The following MDFI variants were observed in gnomAD, a reference collection of about 807,000 sequenced individuals.
MDFI encodes the protein inhibitor of MyoD family a.
Under a neutral mutation model 22.3 loss-of-function variants are expected in MDFI, and 16 were observed. The observed-to-expected ratio is 0.72, with a 90% CI of 0.49 to 1.09. The LOEUF (loss-of-function observed/expected upper bound fraction) is 1.09. Among genes scored for constraint, MDFI ranks in the 50% least tolerant of loss-of-function variants. The pLI is 0.00. For missense variants in MDFI, 314 were observed against 326.1 expected (o/e 0.96, Z 0.29); for synonymous variants, 145 against 142.7 (o/e 1.02, Z -0.12).
At chr6:41,648,192 G>A (rs2127433417) in intron 3 of MDFI, among the ~76,000 whole-genome samples, 1 of 152,170 alleles carries the variant, frequency 6.6e-6, no homozygotes, top group African/African-American at 2.4e-5. Flanking sequence ...CTGCCCCCAT[G>A]CTGGCCTCTG....
At position 41,646,248 on chromosome 6, in the gene MDFI, C is replaced by G; in HGVS notation, c.199C>G (p.Pro67Ala). ...AACCCCCATGCCCCAAGGCAATGGC[C>G]CTGGCATCCCCCAGGGCCTGGACAG... Reference protein sequence around the residue: ...AATPMPQGNGPGIPQGLDSTD... With the variant: ...AATPMPQGNGAGIPQGLDSTD... The change falls in exon 3 of 5, where the codon CCT (proline) becomes GCT (alanine). Residue 67 changes from proline (P) to alanine (A), a missense_variant. Transcript: ENST00000230321. 1 of 1,577,096 alleles carries G rather than the reference C, an allele frequency of 6.3e-7. No individual in the cohort carries two copies. Among genetic ancestry groups the G allele is most frequent in the Non-Finnish European group, 8.6e-7 (1 of 1,162,866 alleles).
At chr6:41,637,914 T>C (rs767081977), upstream of MDFI, among the ~76,000 whole-genome samples, 1 of 152,146 alleles carries the variant, frequency 6.6e-6, no homozygotes, top group African/African-American at 2.4e-5. This position sits in a 1 kb window ranked among gnomAD's most constrained non-coding sequence, Gnocchi z 6.8. Flanking sequence ...GGTTGGTCAC[T>C]AACCGGATTT....
rs953488064 is a variant in MDFI at position 41,638,614 on chromosome 6, G to A, written c.-50G>A. On this transcript the variant is annotated 5_prime_UTR_variant, in exon 1 of 5. Coordinates refer to ENST00000230321, the MANE Select transcript of MDFI (RefSeq NM_005586.4). The surrounding 1 kb of genome is among the most constrained non-coding windows in gnomAD (Gnocchi z 7.6). ...AGGCGCGCATGGCGGGCCCCGCGCGGGGATCCGGCTGGAAGAGAGCGTAGC... is the reference window on the plus strand; with the variant it reads ...AGGCGCGCATGGCGGGCCCCGCGCGAGGATCCGGCTGGAAGAGAGCGTAGC... 55 of 1,063,464 alleles carry A rather than the reference G, an allele frequency of 5.2e-5. No homozygotes were observed. The highest frequency in any genetic ancestry group is 4.5e-4 in the South Asian group (27 of 59,794). The allele number at this position is 1,063,464 out of a possible 1,614,324, so 65.9% of individuals were successfully genotyped here.
At chr6:41,652,703 A>ACTGTAGTAGTAGTGGAATCCCAG (rs1768320143) in intron 4 of MDFI, among the ~76,000 whole-genome samples, 1 of 134,996 alleles carries the variant, frequency 7.4e-6, no homozygotes, top group Non-Finnish European at 1.5e-5. Flanking sequence ...TACAGCCTCC[A>ACTGTAGTAGTAGTGGAATCCCAG]CCTCCTGGGT....
intron 2 of MDFI, among the ~76,000 whole-genome samples, chr6:41,640,462 C>T (rs528364857): frequency 2.3e-4 from 35 of 152,306 alleles, no homozygotes; most frequent in African/African-American, 7.5e-4. Flanking sequence ...CAGCAGACCC[C>T]CTCCCCAGCC....
chr6:41,637,383 A>C (rs1048863533), upstream of MDFI: 3 of 152,104 alleles, frequency 2.0e-5, no homozygotes, highest in Admixed American at 2.0e-4. The surrounding 1 kb of genome is among the most constrained non-coding windows in gnomAD (Gnocchi z 6.8). Context: ...TCGGGACTAG[A>C]AAAGGTGGCC....
chr6:41,651,049 T>TA (rs1290447417), intron 4 of MDFI, among the ~76,000 whole-genome samples: 1 of 151,794 alleles, frequency 6.6e-6, no homozygotes, highest in African/African-American at 2.4e-5. Context: ...CTACTAAAAA[T>TA]ACAAAAAATT....
chr6:41,638,917 G>A lies in MDFI; in HGVS notation c.76+92G>A. 2.2e-6 allele frequency: 3 copies of A among 1,359,740 alleles called. No individual in the cohort carries two copies. Among genetic ancestry groups the A allele is most frequent in the Non-Finnish European group, 3.0e-6 (3 of 1,011,700 alleles). The allele number at this position is 1,359,740 out of a possible 1,614,324, so 84.2% of individuals were successfully genotyped here. ...GTTCTCCTCTCCGTCCCCAGACGCG[G>A]GGAGACCGTTCCAGGGAGCTTGGTG... On this transcript the variant is annotated intron_variant, in intron 2 of 4. Transcript: ENST00000230321. This position sits in a 1 kb window ranked among gnomAD's most constrained non-coding sequence, Gnocchi z 7.6.
At chr6:41,652,465 G>A (rs1441803611) in intron 4 of MDFI, among the ~76,000 whole-genome samples, 2 of 152,208 alleles carry the variant, frequency 1.3e-5, no homozygotes, top group Admixed American at 1.3e-4. Context: ...TATTTCTAAA[G>A]GATCCCTCTG....
At chr6:41,639,975 G>A (rs562945462) in intron 2 of MDFI, 3 of 959,566 alleles carry the variant, frequency 3.1e-6, no homozygotes, top group East Asian at 2.3e-4. Context: ...GTGAGGACAA[G>A]TGGAAGATGT....
chr6:41,647,208 C>T (rs893647944), intron 3 of MDFI, among the ~76,000 whole-genome samples: 1 of 152,208 alleles, frequency 6.6e-6, no homozygotes, highest in Non-Finnish European at 1.5e-5. Context: ...AAGAGGTCAG[C>T]GCCTTGGCAG....
chr6:41,653,849 A>T lies in MDFI; in HGVS notation c.*274A>T. 4 of 425,928 alleles carry T rather than the reference A, an allele frequency of 9.4e-6. No individual in the cohort carries two copies. Among genetic ancestry groups the T allele is most frequent in the East Asian group, 4.3e-5 (1 of 23,024 alleles). The allele number at this position is 425,928 out of a possible 1,614,324, so 26.4% of individuals were successfully genotyped here. A position where few individuals can be genotyped will look rare whatever the true frequency, so the allele number is the denominator to read the frequency against. On this transcript the variant is annotated 3_prime_UTR_variant, in exon 5 of 5. Transcript: ENST00000230321. The surrounding 1 kb of genome is among the most constrained non-coding windows in gnomAD (Gnocchi z 4.2). ...GTTCATACATTGCTGAGGACCTGAC[A>T]GGACAACCTAGGGGCAGGGCTGGGG...
intron 2 of MDFI, chr6:41,639,306 C>T: frequency 1.0e-6 from 1 of 985,378 alleles, no homozygotes; most frequent in Non-Finnish European, 1.2e-6. Context: ...GACCCAGCCC[C>T]TCCCCTCTTT....
chr6:41,642,970 C>A (rs990980491), intron 2 of MDFI, among the ~76,000 whole-genome samples: 2 of 152,112 alleles, frequency 1.3e-5, no homozygotes, highest in Non-Finnish European at 1.5e-5. Context: ...GCCTTCCTCC[C>A]TCTCTAACAC....
chr6:41,643,175 C>T (rs1330901761), intron 2 of MDFI, among the ~76,000 whole-genome samples: 1 of 152,208 alleles, frequency 6.6e-6, no homozygotes, highest in African/African-American at 2.4e-5. Flanking sequence ...CTTCCTTGCT[C>T]TCTGTGTAGC....
Position 41,654,157 on chromosome 6 carries a change from T to G in MDFI, c.*582T>G. 1 of 161,170 alleles carries G rather than the reference T, an allele frequency of 6.2e-6. No homozygotes were observed. The highest frequency in any genetic ancestry group is 1.7e-4 in the South Asian group (1 of 5,898). The allele number at this position is 161,170 out of a possible 1,614,324, so 10.0% of individuals were successfully genotyped here. ...TGGGGTGGGGCGGGAGGGGGAACAG[T>G]ATGGAAAAGACTGGAAGGGGAAAGG... On this transcript the variant is annotated 3_prime_UTR_variant, in exon 5 of 5. Transcript: ENST00000230321.
Position 41,649,840 on chromosome 6 carries a change from G to A in MDFI, c.481G>A (p.Glu161Lys), listed in dbSNP as rs1467147760. ...CTCCCAGATCCCCCTCCAGGCACAG[G>A]AAGGTAAGCACCCATCCCATCTCTC... ...TTSQIPLQAQEDCCVHCILSC... is the reference protein window; with the variant it reads ...TTSQIPLQAQKDCCVHCILSC... Residue 161 changes from glutamate to lysine, a missense_variant, in exon 4 of 5, where the codon GAA (glutamate) becomes AAA (lysine). Glu to Lys is a moderately conservative substitution (Grantham distance 56). Coordinates refer to ENST00000230321, the MANE Select transcript of MDFI (RefSeq NM_005586.4). The A allele has an allele frequency of 1.2e-6, 2 of 1,612,962 alleles. No individual in the cohort carries two copies. Among genetic ancestry groups the A allele is most frequent in the Middle Eastern group, 1.7e-4 (1 of 6,052 alleles).
chr6:41,639,198 G>C (rs920951253), intron 2 of MDFI: 3 of 973,910 alleles, frequency 3.1e-6, no homozygotes, highest in Admixed American at 1.2e-4. Flanking sequence ...TGGTGTGGGG[G>C]AGGGGGCGTT....
In MDFI at chr6:41,653,267, C is replaced by T. The variant is rs2235838; in HGVS notation, c.485-52C>T. On this transcript the variant is annotated intron_variant, in intron 4 of 4. Transcript: ENST00000230321. This position sits in a 1 kb window ranked among gnomAD's most constrained non-coding sequence, Gnocchi z 4.2. ...CCCACACCCCCGGCTATTTCACACA[C>T]GCTCATCCCTCCCCTCTCTCACCCG... 148,642 of 1,580,654 alleles carry T rather than the reference C, an allele frequency of 0.094. 11,087 individuals carry two copies. The highest frequency in any genetic ancestry group is 0.34 in the African/African-American group (25,665 of 74,510).
Sources: allele counts gnomAD v4.1 joint callset (sites outside exome capture counted in the v4.1 genomes callset), GRCh38; gene constraint gnomAD v4.1.1; non-coding constraint Gnocchi (gnomAD v3.1); transcripts MANE v1.5; gene names NCBI Gene and HGNC (gene_info 2026-07-23, HGNC 2026-07-21).